Variants in CHN2 observed in about 807,000 individuals in gnomAD.
CHN2 encodes the protein beta-chimaerin.
In CHN2, 35 loss-of-function variants were observed where a neutral mutation model predicts 56.3. The ratio of observed to expected loss-of-function variants is 0.62; its 90% CI spans 0.47 to 0.82. The LOEUF (loss-of-function observed/expected upper bound fraction) is 0.82. CHN2 is among the 40% of genes least tolerant of loss of function. The probability of loss-of-function intolerance (pLI) is 0.00; values close to 1 mark genes in which losing one functional copy is unlikely to be tolerated. For missense variants in CHN2, 491 were observed against 580.5 expected (o/e 0.85, Z 1.58); for synonymous variants, 210 against 212.8 (o/e 0.99, Z 0.12).
At chr7:29,207,677 C>T (rs111359040) in intron 1 of CHN2, among the ~76,000 whole-genome samples, 2,857 of 152,218 alleles carry the variant, frequency 0.019, 105 homozygotes, top group African/African-American at 0.066. Context: ...GAGTATTATT[C>T]GCACAGTGAT....
At chr7:29,203,394 G>A (rs1195210765) in intron 1 of CHN2, among the ~76,000 whole-genome samples, 1 of 147,520 alleles carries the variant, frequency 6.8e-6, no homozygotes, top group Non-Finnish European at 1.5e-5. Context: ...TTGAATCCGG[G>A]AGAAAGAGGT....
chr7:29,159,029 T>C (rs1228723257), intron 2 of CHN2, among the ~76,000 whole-genome samples: 2 of 152,246 alleles, frequency 1.3e-5, no homozygotes, highest in Admixed American at 6.5e-5. Flanking sequence ...GGGAATCTGC[T>C]ATCAGAGAAA....
At chr7:29,465,198 T>C (rs188892494) in intron 6 of CHN2, among the ~76,000 whole-genome samples, 3 of 152,362 alleles carry the variant, frequency 2.0e-5, no homozygotes, top group Admixed American at 2.0e-4. Flanking sequence ...AGCTTCATCT[T>C]AGCTTTCTAG....
chr7:29,293,538 A>C (rs1792849698), intron 1 of CHN2, among the ~76,000 whole-genome samples: 1 of 152,098 alleles, frequency 6.6e-6, no homozygotes, highest in South Asian at 2.1e-4. Context: ...CTCTGTCTTT[A>C]CATCACGCTC....
chr7:29,213,840 C>G (rs1439906170), intron 1 of CHN2, among the ~76,000 whole-genome samples: 1 of 152,000 alleles, frequency 6.6e-6, no homozygotes, highest in African/African-American at 2.4e-5. Context: ...GTTGATTTTA[C>G]CCTGATTTCA....
intron 1 of CHN2, among the ~76,000 whole-genome samples, chr7:29,316,612 G>A (rs1032525254): frequency 3.3e-5 from 5 of 152,128 alleles, no homozygotes; most frequent in African/African-American, 1.2e-4. Flanking sequence ...TATGTGTTAT[G>A]GATCCATGGC....
chr7:29,349,162 A>C (rs538255876), intron 1 of CHN2, among the ~76,000 whole-genome samples: 22 of 152,262 alleles, frequency 1.4e-4, no homozygotes, highest in Non-Finnish European at 2.8e-4. Context: ...TTCAGTAGGA[A>C]ATTTTCTTAT....
At chr7:29,385,180 A>G (rs1446787023) in intron 3 of CHN2, among the ~76,000 whole-genome samples, 4 of 152,154 alleles carry the variant, frequency 2.6e-5, no homozygotes, top group Admixed American at 6.5e-5. Context: ...TTTATAAATT[A>G]TCAGCATTAT....
intron 1 of CHN2, among the ~76,000 whole-genome samples, chr7:29,286,778 T>C (rs1303984288): frequency 6.6e-6 from 1 of 152,206 alleles, no homozygotes; most frequent in Admixed American, 6.5e-5. Flanking sequence ...GGAGATAGTC[T>C]GCGATTATAA....
chr7:29,179,084 C>A (rs1418256709), intron 2 of CHN2, among the ~76,000 whole-genome samples: 1 of 152,124 alleles, frequency 6.6e-6, no homozygotes, highest in African/African-American at 2.4e-5. Context: ...GGAGGTGATC[C>A]TCCAATATCA....
intron 1 of CHN2, among the ~76,000 whole-genome samples, chr7:29,243,620 A>T (rs898971377): frequency 6.6e-6 from 1 of 152,178 alleles, no homozygotes; most frequent in African/African-American, 2.4e-5. Context: ...AATGAGAAGG[A>T]TCTTAAAATA....
At chr7:29,227,471 G>A (rs1023756928) in intron 1 of CHN2, among the ~76,000 whole-genome samples, 4 of 152,120 alleles carry the variant, frequency 2.6e-5, no homozygotes, top group Non-Finnish European at 4.4e-5. Flanking sequence ...CCACTTTATC[G>A]TAAGTCCATA....
intron 1 of CHN2, among the ~76,000 whole-genome samples, chr7:29,221,156 G>T (rs245937): frequency 0.24 from 36,565 of 151,984 alleles, 4,946 homozygotes; most frequent in East Asian, 0.53. Context: ...TGATTTCTCC[G>T]AGTTTGGGAA....
intron 1 of CHN2, among the ~76,000 whole-genome samples, chr7:29,232,348 G>A (rs545765317): frequency 2.3e-4 from 35 of 151,888 alleles, no homozygotes; most frequent in Non-Finnish European, 5.0e-4. Flanking sequence ...CTTTTCTCTA[G>A]TTTAGTGGCC....
At chr7:29,413,681 G>GAACTTGT (rs754805075) in intron 6 of CHN2, among the ~76,000 whole-genome samples, 6 of 152,186 alleles carry the variant, frequency 3.9e-5, no homozygotes, top group African/African-American at 1.2e-4. Flanking sequence ...CAGGGTCGTA[G>GAACTTGT]AACTTGTGAC....
chr7:29,462,430 T>G (rs966935216), intron 6 of CHN2, among the ~76,000 whole-genome samples: 2 of 152,224 alleles, frequency 1.3e-5, no homozygotes, highest in Non-Finnish European at 2.9e-5. Context: ...TGCTTCATCC[T>G]GTCTGAGGCT....
At chr7:29,366,117 T>G (rs1799135506) in intron 2 of CHN2, among the ~76,000 whole-genome samples, 1 of 152,170 alleles carries the variant, frequency 6.6e-6, no homozygotes, top group East Asian at 1.9e-4. Flanking sequence ...AGTTCAACTT[T>G]TGACATGTTG....
intron 3 of CHN2, among the ~76,000 whole-genome samples, chr7:29,374,801 T>TTTCCTTCCTTCCATCC (rs1554281980): frequency 7.8e-6 from 1 of 128,186 alleles, no homozygotes; most frequent in African/African-American, 2.9e-5. Flanking sequence ...TATTTCTTTA[T>TTTCCTTCCTTCCATCC]TTCCTTCCTT....
chr7:29,504,708 G>A (rs905141585), intron 9 of CHN2, 36 bp from the exon 10 acceptor site: 5 of 1,220,438 alleles, frequency 4.1e-6, no homozygotes. Context: ...GATGTTTCAA[G>A]AAGCTAAAGT....
Sources: gnomAD v4.1 joint callset for allele counts (sites outside exome capture counted in the v4.1 genomes callset) on GRCh38, gnomAD v4.1.1 for gene constraint, MANE v1.5 for transcripts, NCBI Gene and HGNC (gene_info 2026-07-23, HGNC 2026-07-21) for gene names.